The following PTPN3 variants were observed in gnomAD, a reference collection of about 807,000 sequenced individuals.
The protein encoded by PTPN3 is tyrosine-protein phosphatase non-receptor type 3.
A neutral mutation model predicts 132.7 loss-of-function variants in PTPN3; 96 were observed. That is an observed-to-expected ratio of 0.72 (90% confidence interval 0.61 to 0.86). PTPN3 has a LOEUF of 0.86. PTPN3 is among the 40% of genes least tolerant of loss of function. The pLI is 0.00. For missense variants in PTPN3, 1,125 were observed against 1,159.6 expected (o/e 0.97, Z 0.43); for synonymous variants, 398 against 429.0 (o/e 0.93, Z 0.89).
At chr9:109,394,767 TATATG>T (rs1204686788) in intron 19 of PTPN3, among the ~76,000 whole-genome samples, 4 of 152,230 alleles carry the variant, frequency 2.6e-5, no homozygotes, top group African/African-American at 9.6e-5. Context: ...TATACATGTG[TATATG>T]ATATATCTGC....
At chr9:109,521,780 C>G in the PTPN3 span, among the ~76,000 whole-genome samples, 1 of 152,202 alleles carries the variant, frequency 6.6e-6, no homozygotes, top group Non-Finnish European at 1.5e-5. Context: ...CTGGTACTCC[C>G]AGTGCTTTCA....
chr9:109,404,585 T>C lies in PTPN3; in HGVS notation c.1816A>G (p.Lys606Glu). 6.5e-7 allele frequency: 1 copy of C among 1,548,902 alleles called. No individual in the cohort carries two copies. Among genetic ancestry groups the C allele is most frequent in the Non-Finnish European group, 8.8e-7 (1 of 1,136,948 alleles). Residue 606 changes from lysine to glutamate, a missense_variant, in exon 19 of 26, where the codon AAG (lysine) becomes GAG (glutamate). Physicochemically the swap from Lys to Glu is moderately conservative, Grantham distance 56. Transcript: ENST00000374541. ...AGCTGGTTCAGTTCATCTTCAGACTTGAAGTCAGCAAATGAGCGGACAGCT... is the reference window on the plus strand; with the variant it reads ...AGCTGGTTCAGTTCATCTTCAGACTCGAAGTCAGCAAATGAGCGGACAGCT... ...RRAVRSFADFKSEDELNQLFP... is the reference protein window; with the variant it reads ...RRAVRSFADFESEDELNQLFP...
intron 7 of PTPN3, among the ~76,000 whole-genome samples, chr9:109,443,171 G>A (rs1382604377): frequency 1.3e-5 from 2 of 151,652 alleles, no homozygotes; most frequent in Admixed American, 6.6e-5. Flanking sequence ...AACCTCTGGG[G>A]CTCAACAGAT....
At chr9:109,501,063 TAA>T (rs1564494644), upstream of PTPN3, among the ~76,000 whole-genome samples, 2 of 152,238 alleles carry the variant, frequency 1.3e-5, no homozygotes, top group African/African-American at 4.8e-5. Context: ...GGGTGTTTTT[TAA>T]AAGTTTATTA....
chr9:109,411,815 T>A (rs77985535), intron 14 of PTPN3, among the ~76,000 whole-genome samples: 4,475 of 152,292 alleles, frequency 0.029, 121 homozygotes, highest in East Asian at 0.15. Context: ...TCTATTTGAA[T>A]AAAATATTCA....
intron 19 of PTPN3, among the ~76,000 whole-genome samples, chr9:109,401,360 G>A (rs1841083188): frequency 1.3e-5 from 2 of 152,210 alleles, no homozygotes; most frequent in Non-Finnish European, 2.9e-5. Context: ...CAATCCAGTA[G>A]CTGTGGGCGG....
chr9:109,514,000 T>G, the PTPN3 span, among the ~76,000 whole-genome samples: 2 of 152,140 alleles, frequency 1.3e-5, no homozygotes, highest in Non-Finnish European at 2.9e-5. Context: ...ATCAACTCCA[T>G]CCTACAAGCC....
At chr9:109,521,795 T>G in the PTPN3 span, among the ~76,000 whole-genome samples, 7 of 152,202 alleles carry the variant, frequency 4.6e-5, no homozygotes, top group African/African-American at 1.7e-4. Flanking sequence ...CTTTCAAGGG[T>G]GCTTGTGTTC....
intron 16 of PTPN3, 92 bp from the exon 17 acceptor site, chr9:109,408,469 A>C: frequency 1.9e-5 from 17 of 887,278 alleles, no homozygotes; most frequent in Middle Eastern, 2.4e-4. Flanking sequence ...CATCAACAAC[A>C]TGGAGGTACC....
intron 19 of PTPN3, among the ~76,000 whole-genome samples, chr9:109,403,131 C>T (rs1266120180): frequency 6.6e-6 from 1 of 152,178 alleles, no homozygotes; most frequent in Admixed American, 6.5e-5. Flanking sequence ...GCGGGGAAGT[C>T]AGTCACCTTT....
chr9:109,515,074 G>A, the PTPN3 span, among the ~76,000 whole-genome samples: 1 of 152,028 alleles, frequency 6.6e-6, no homozygotes, highest in Non-Finnish European at 1.5e-5. Context: ...CTGGGCTGAA[G>A]TGCAATGGTG....
the PTPN3 span, among the ~76,000 whole-genome samples, chr9:109,506,159 T>C: frequency 2.0e-5 from 3 of 152,188 alleles, no homozygotes; most frequent in Non-Finnish European, 4.4e-5. Flanking sequence ...CCCTCAGCTC[T>C]CAGGCTCTCT....
At chr9:109,523,954 T>C in the PTPN3 span, among the ~76,000 whole-genome samples, 1 of 152,082 alleles carries the variant, frequency 6.6e-6, no homozygotes, top group Non-Finnish European at 1.5e-5. Context: ...CCAATGACAA[T>C]AACAACTGCT....
At chr9:109,446,948 G>C (rs369047445) in intron 6 of PTPN3, among the ~76,000 whole-genome samples, 45 of 152,278 alleles carry the variant, frequency 3.0e-4, no homozygotes, top group African/African-American at 9.6e-4. Context: ...GCTCAAACAA[G>C]TCGGGACAAT....
intron 5 of PTPN3, among the ~76,000 whole-genome samples, chr9:109,453,333 G>A (rs1193175707): frequency 1.3e-5 from 2 of 152,150 alleles, no homozygotes; most frequent in African/African-American, 4.8e-5. Flanking sequence ...ATGTAAAACA[G>A]GATTCAATAC....
At chr9:109,477,674 G>C (rs1030889310) in intron 1 of PTPN3, among the ~76,000 whole-genome samples, 1 of 152,242 alleles carries the variant, frequency 6.6e-6, no homozygotes, top group African/African-American at 2.4e-5. Flanking sequence ...AGCAGCGGGA[G>C]GGCAGAAACA....
At chr9:109,408,241 C>G (rs999081464) in intron 17 of PTPN3, 80 bp downstream of exon 17, 1 of 1,181,396 alleles carries the variant, frequency 8.5e-7, no homozygotes, top group African/African-American at 1.6e-5. Context: ...AAAAAAGAAA[C>G]AGGACTCAGA....
chr9:109,406,659 C>T (rs1166268184), intron 17 of PTPN3, 41 bp from the exon 18 acceptor site: 1 of 1,608,474 alleles, frequency 6.2e-7, no homozygotes, highest in Non-Finnish European at 8.5e-7. Context: ...GTTACCATAA[C>T]ACAGTCCTTG....
In PTPN3 at chr9:109,378,801, G is replaced by A. The variant is rs990682665; in HGVS notation, c.*755C>T. 6.5e-6 allele frequency: 1 copy of A among 152,680 alleles called. No individual in the cohort carries two copies. The highest frequency in any genetic ancestry group is 2.4e-5 in the African/African-American group (1 of 41,432). The allele number at this position is 152,680 out of a possible 1,614,324, so 9.5% of individuals were successfully genotyped here. A position where few individuals can be genotyped will look rare whatever the true frequency, so the allele number is the denominator to read the frequency against. On this transcript the variant is annotated 3_prime_UTR_variant, in exon 26 of 26. Coordinates refer to ENST00000374541, the MANE Select transcript of PTPN3 (RefSeq NM_002829.4). ...TGCAGTAGGAGGCAAGCAGAGGCAA[G>A]AGACACACCTGCTTCTACAACTAAG... is the stretch of plus-strand genomic sequence containing the variant.
Sources: allele counts gnomAD v4.1 joint callset (sites outside exome capture counted in the v4.1 genomes callset), GRCh38; gene constraint gnomAD v4.1.1; transcripts MANE v1.5; gene names NCBI Gene and HGNC (gene_info 2026-07-23, HGNC 2026-07-21).